CSMD2: variants seen among roughly 807,000 people sequenced by gnomAD.
The protein encoded by CSMD2 is CUB and sushi domain-containing protein 2.
In CSMD2, 130 loss-of-function variants were observed where a neutral mutation model predicts 398.5. The observed-to-expected ratio is 0.33, with a 90% CI of 0.28 to 0.38. The LOEUF (loss-of-function observed/expected upper bound fraction) is 0.38, where lower values mean the gene tolerates loss of function less well. Among genes scored for constraint, CSMD2 ranks in the 10% least tolerant of loss-of-function variants. CSMD2 has a pLI of 1.00. For synonymous variants in CSMD2, 1,828 were observed against 1,908.5 expected (o/e 0.96, Z 1.10); for missense variants, 3,829 against 4,764.9 (o/e 0.80, Z 5.78).
chr1:33,670,865 G>C (rs922540822), intron 25 of CSMD2, among the ~76,000 whole-genome samples: 1 of 152,186 alleles, frequency 6.6e-6, no homozygotes. Flanking sequence ...CCCTAACTTA[G>C]GCCAAGGGTA....
intron 25 of CSMD2, among the ~76,000 whole-genome samples, chr1:33,687,436 T>C (rs1557731427): frequency 6.6e-6 from 1 of 152,288 alleles, no homozygotes; most frequent in Non-Finnish European, 1.5e-5. Flanking sequence ...GGATAATTAC[T>C]GTTGAGAACT....
intron 58 of CSMD2, 57 bp from the exon 59 acceptor site, chr1:33,541,366 C>T (rs1346890716): frequency 6.8e-6 from 9 of 1,319,108 alleles, no homozygotes; most frequent in Middle Eastern, 1.9e-4. Context: ...ACTTCTCCTC[C>T]AATACCATCC....
intron 19 of CSMD2, among the ~76,000 whole-genome samples, chr1:33,720,836 T>C (rs374647475): frequency 3.9e-5 from 6 of 152,276 alleles, no homozygotes; most frequent in African/African-American, 1.4e-4. Context: ...TAGCTGGGAT[T>C]ACAGGCATGT....
intron 3 of CSMD2, among the ~76,000 whole-genome samples, chr1:33,947,968 C>A (rs1206724314): frequency 6.6e-6 from 1 of 152,190 alleles, no homozygotes; most frequent in African/African-American, 2.4e-5. Flanking sequence ...GGGTGTACAC[C>A]TAGTCAGCCT....
chr1:33,587,245 T>C, intron 44 of CSMD2, 77 bp from the exon 45 acceptor site: 1 of 1,082,608 alleles, frequency 9.2e-7, no homozygotes, highest in Non-Finnish European at 1.3e-6. Context: ...GTTCAATTCT[T>C]CACTTTCTCA....
intron 5 of CSMD2, among the ~76,000 whole-genome samples, chr1:33,909,598 A>C (rs911216): frequency 0.21 from 32,139 of 151,892 alleles, 3,536 homozygotes; most frequent in South Asian, 0.25. Context: ...GTTTGTTTGA[A>C]TGATTGAATG....
At chr1:34,077,080 G>C (rs1207919010) in intron 2 of CSMD2, among the ~76,000 whole-genome samples, 1 of 151,052 alleles carries the variant, frequency 6.6e-6, no homozygotes, top group Non-Finnish European at 1.5e-5. Flanking sequence ...AAGGGGGCTA[G>C]GATTGGGGTA....
chr1:34,112,108 G>A (rs1428630497), intron 1 of CSMD2, among the ~76,000 whole-genome samples: 1 of 152,102 alleles, frequency 6.6e-6, no homozygotes, highest in African/African-American at 2.4e-5. Context: ...TTGTGTCAGG[G>A]AGTAGTAGAG....
intron 3 of CSMD2, among the ~76,000 whole-genome samples, chr1:34,029,742 T>C (rs1650172157): frequency 6.6e-6 from 1 of 152,214 alleles, no homozygotes. Flanking sequence ...CTGCAACAGG[T>C]GACTGCATAG....
intron 19 of CSMD2, among the ~76,000 whole-genome samples, chr1:33,718,243 C>T (rs900667272): frequency 1.8e-4 from 28 of 152,132 alleles, no homozygotes; most frequent in African/African-American, 6.8e-4. Flanking sequence ...TTAAGAACAG[C>T]CAGGTAGGGT....
At position 33,583,800 on chromosome 1, in the gene CSMD2, T is replaced by C; in HGVS notation, c.7082A>G (p.Asp2361Gly). The C allele has an allele frequency of 6.2e-7, 1 of 1,613,880 alleles. No homozygotes were observed. The highest frequency in any genetic ancestry group is 8.5e-7 in the Non-Finnish European group (1 of 1,179,966). ...VHCPTNELLT[D>G]STGVILSQSY... ...CTGGCTCAGGATCACGCCTGTGGAG[T>C]CTGTCAGAAGCTCATTTGTTGGACA... Residue 2361 changes from aspartate (D) to glycine (G), a missense_variant, in exon 47 of 71, where the codon GAC (aspartate) becomes GGC (glycine). Transcript: ENST00000373381.
rs1020019839 is a variant in CSMD2 at position 33,527,378 on chromosome 1, T to C, written c.10172-120A>G. Reference sequence around the variant, plus strand: ...GGTTCTTTGAGATCTTGCTTTCCCCTTATTTTTTTTAGACCAGGAGGTAGA... The same window carrying C: ...GGTTCTTTGAGATCTTGCTTTCCCCCTATTTTTTTTAGACCAGGAGGTAGA... On this transcript the variant is annotated intron_variant, in intron 64 of 70. Coordinates refer to ENST00000373381, the MANE Select transcript of CSMD2 (RefSeq NM_001281956.2). 9.5e-5 allele frequency: 68 copies of C among 718,082 alleles called. 1 individual carries two copies. The Middle Eastern group carries it at 2.2e-3, about 23-fold the overall frequency. 44.5% of individuals were successfully genotyped at this position (718,082 alleles called of 1,614,324 possible).
chr1:33,778,747 T>C (rs1652326201), intron 12 of CSMD2, among the ~76,000 whole-genome samples: 1 of 152,148 alleles, frequency 6.6e-6, no homozygotes, highest in South Asian at 2.1e-4. Context: ...CCAATACAAA[T>C]GACCAGGGCA....
At chr1:33,673,923 C>T (rs1220913494) in intron 25 of CSMD2, among the ~76,000 whole-genome samples, 1 of 152,190 alleles carries the variant, frequency 6.6e-6, no homozygotes, top group African/African-American at 2.4e-5. Context: ...GAGATTTTGT[C>T]ACCACCAGGC....
At chr1:34,127,645 T>C (rs938011811) in intron 1 of CSMD2, among the ~76,000 whole-genome samples, 1 of 152,154 alleles carries the variant, frequency 6.6e-6, no homozygotes, top group African/African-American at 2.4e-5. Flanking sequence ...GAATGGCCAC[T>C]CTTAGGATTA....
intron 8 of CSMD2, 32 bp downstream of exon 8, chr1:33,820,437 T>C (rs752132882): frequency 1.3e-5 from 19 of 1,492,732 alleles, no homozygotes; most frequent in Middle Eastern, 1.7e-4. Flanking sequence ...CCCACCCTTC[T>C]TGCAATCAGA....
At chr1:33,616,225 T>G (rs539637148) in intron 39 of CSMD2, among the ~76,000 whole-genome samples, 99 of 152,238 alleles carry the variant, frequency 6.5e-4, no homozygotes, top group Non-Finnish European at 1.2e-3. Context: ...AGCATTTCTT[T>G]TCCTTTTTTC....
At chr1:33,550,694 A>G (rs1210048154) in intron 55 of CSMD2, among the ~76,000 whole-genome samples, 1 of 152,190 alleles carries the variant, frequency 6.6e-6, no homozygotes, top group Non-Finnish European at 1.5e-5. Flanking sequence ...AGTATACACA[A>G]GACAAAAATG....
At chr1:34,118,143 G>T (rs1252914765) in intron 1 of CSMD2, among the ~76,000 whole-genome samples, 16 of 152,186 alleles carry the variant, frequency 1.1e-4, no homozygotes, top group African/African-American at 3.9e-4. Context: ...TTGAACCCAG[G>T]AGGCGAAGGT....
Sources: gnomAD v4.1 joint callset for allele counts (sites outside exome capture counted in the v4.1 genomes callset) on GRCh38, gnomAD v4.1.1 for gene constraint, MANE v1.5 for transcripts, NCBI Gene and HGNC (gene_info 2026-07-23, HGNC 2026-07-21) for gene names.